The following SORBS2 variants were observed in gnomAD, a reference collection of about 807,000 sequenced individuals.
The protein encoded by SORBS2 is sorbin and SH3 domain-containing protein 2.
In SORBS2, 46 loss-of-function variants were observed where a neutral mutation model predicts 97.7. The observed-to-expected ratio is 0.47, with a 90% CI of 0.37 to 0.60. The LOEUF is 0.60. SORBS2 is among the 20% of genes least tolerant of loss of function. The pLI, the probability that SORBS2 is intolerant of heterozygous loss-of-function variation, is 0.00. For missense variants in SORBS2, 1,316 were observed against 1,282.3 expected, an observed-to-expected ratio of 1.03 and a Z score of -0.40; for synonymous variants, 476 against 473.4, an observed-to-expected ratio of 1.01 and a Z score of -0.07.
chr4:185,677,657 C>A (rs945770577), intron 4 of SORBS2: 7 of 1,467,702 alleles, frequency 4.8e-6, no homozygotes, highest in African/African-American at 1.4e-5. Context: ...ACAATGGGAT[C>A]CAGAGAAAGA....
intron 4 of SORBS2, among the ~76,000 whole-genome samples, chr4:185,633,720 T>C (rs28473677): frequency 0.37 from 56,566 of 151,556 alleles, 10,666 homozygotes; most frequent in South Asian, 0.53. Flanking sequence ...TTAAGAGAGA[T>C]ATATTTTTTT....
intron 1 of SORBS2, chr4:185,933,198 G>A (rs576884753): frequency 6.6e-6 from 1 of 152,284 alleles, no homozygotes; most frequent in South Asian, 2.1e-4. Flanking sequence ...CGGTGCTCAT[G>A]GATAATTACA....
chr4:185,709,303 T>TC lies in SORBS2; in HGVS notation c.-197-30482dup, dbSNP rs1320820010. On this transcript the variant is annotated intron_variant, in intron 2 of 20. Coordinates refer to the SORBS2 transcript ENST00000284776. ...GGCATGAGCCGCTGTGCTGGCCAAATCTTTTTTTTTTTTTTTTTTTTAGTA... is the reference window on the plus strand; with the variant it reads ...GGCATGAGCCGCTGTGCTGGCCAAATCCTTTTTTTTTTTTTTTTTTTTAGTA... 2.4e-4 allele frequency among the ~76,000 whole-genome samples: 33 copies of TC among 135,166 alleles called. 2 individuals are homozygous for TC. Among genetic ancestry groups the TC allele is most frequent in the Middle Eastern group, 7.7e-3 (2 of 260 alleles). 88.7% of individuals were successfully genotyped at this position (135,166 alleles called of 152,430 possible). A position where few individuals can be genotyped will look rare whatever the true frequency, so the allele number is the denominator to read the frequency against.
chr4:185,951,115 A>G (rs1386392434), intron 1 of SORBS2, among the ~76,000 whole-genome samples: 1 of 152,150 alleles, frequency 6.6e-6, no homozygotes, highest in Admixed American at 6.5e-5. Flanking sequence ...CCAGCGCTTC[A>G]TTGTTTTTCA....
rs1164846950 is a variant in SORBS2 at position 185,587,587 on chromosome 4, A to G, written c.*40T>C. ...GTTTCAGGCGCGTTGACGCAGGTGCATGGCTGGCAGGCGGCCTCTACAGAA... is the reference window on the plus strand; with the variant it reads ...GTTTCAGGCGCGTTGACGCAGGTGCGTGGCTGGCAGGCGGCCTCTACAGAA... On this transcript the variant is annotated 3_prime_UTR_variant, in exon 15 of 15. Coordinates refer to ENST00000418609, the Ensembl canonical transcript of SORBS2. The G allele has an allele frequency of 1.9e-6, 3 of 1,594,942 alleles. No homozygotes were observed. In the East Asian group the frequency reaches 6.7e-5, roughly 36 times the overall value.
intron 1 of SORBS2, among the ~76,000 whole-genome samples, chr4:185,860,200 T>C (rs980305510): frequency 1.3e-5 from 2 of 152,192 alleles, no homozygotes; most frequent in Non-Finnish European, 2.9e-5. Flanking sequence ...GGGAAGCAAC[T>C]GTTGAACCCT....
rs144847998 is a variant in SORBS2 at position 185,643,362 on chromosome 4, G to T, written c.396+3306C>A. 7.2e-5 allele frequency among the ~76,000 whole-genome samples: 11 copies of T among 152,312 alleles called. No individual in the cohort carries two copies. In the East Asian group the frequency reaches 1.9e-3, roughly 27 times the overall value. The stretch of plus-strand genomic sequence containing the variant: ...AGCTGGAACCTAGCGAGGCAGGGAG[G>T]GTGGGAGGAGAGATGAGGCTGGAGA... On this transcript the variant is annotated intron_variant, in intron 4 of 14. Transcript: ENST00000418609.
chr4:185,644,517 A>T (rs201656912), intron 4 of SORBS2, among the ~76,000 whole-genome samples: 1 of 152,230 alleles, frequency 6.6e-6, no homozygotes, highest in Non-Finnish European at 1.5e-5. Context: ...GAGTGGCTGT[A>T]CAGCAGCGAC....
chr4:185,748,560 C>T (rs2098778782), intron 2 of SORBS2, among the ~76,000 whole-genome samples: 1 of 152,122 alleles, frequency 6.6e-6, no homozygotes, highest in Admixed American at 6.5e-5. Context: ...CAAGGGAGGC[C>T]TCACGAGCAA....
At chr4:185,821,382 C>A (rs549657582) in intron 1 of SORBS2, among the ~76,000 whole-genome samples, 15 of 152,186 alleles carry the variant, frequency 9.9e-5, no homozygotes, top group Admixed American at 5.9e-4. Flanking sequence ...AACTTTGGGC[C>A]TTATCTTCCT....
intron 2 of SORBS2, chr4:185,740,463 C>G (rs1268758294): frequency 6.6e-6 from 1 of 152,412 alleles, no homozygotes; most frequent in African/African-American, 2.4e-5. Flanking sequence ...AGGTAATTTC[C>G]AACTCAAGAA....
chr4:185,879,155 A>G (rs1249869454), intron 1 of SORBS2, among the ~76,000 whole-genome samples: 1 of 119,526 alleles, frequency 8.4e-6, no homozygotes, highest in Admixed American at 8.0e-5. Flanking sequence ...ATATCTCCTA[A>G]TGCTATCCCT....
chr4:185,939,366 C>A (rs910693855), intron 1 of SORBS2, among the ~76,000 whole-genome samples: 4 of 152,206 alleles, frequency 2.6e-5, no homozygotes, highest in African/African-American at 9.6e-5. Flanking sequence ...ATAGTTCCAT[C>A]AGCATTCAAA....
At chr4:185,687,013 G>A (rs2097976987) in intron 2 of SORBS2, among the ~76,000 whole-genome samples, 1 of 152,138 alleles carries the variant, frequency 6.6e-6, no homozygotes, top group Non-Finnish European at 1.5e-5. Context: ...TACTTGCTAT[G>A]ATAAAAAGCA....
intron 2 of SORBS2, chr4:185,757,114 G>A: frequency 1.8e-6 from 1 of 545,242 alleles, no homozygotes; most frequent in South Asian, 1.7e-5. Flanking sequence ...AAAGCAGGAA[G>A]CACACTGTCC....
At chr4:185,641,230 G>A (rs186584783) in intron 4 of SORBS2, among the ~76,000 whole-genome samples, 1 of 151,924 alleles carries the variant, frequency 6.6e-6, no homozygotes, top group Admixed American at 6.6e-5. Context: ...TATTTAAATA[G>A]TCAATTTATA....
intron 1 of SORBS2, chr4:185,918,199 G>A (rs1000114500): frequency 6.6e-6 from 1 of 152,142 alleles, no homozygotes; most frequent in Non-Finnish European, 1.5e-5. Flanking sequence ...TTCTTTGAAT[G>A]TAAAAAATCT....
At chr4:185,779,745 G>T (rs2099018193) in intron 1 of SORBS2, among the ~76,000 whole-genome samples, 1 of 152,184 alleles carries the variant, frequency 6.6e-6, no homozygotes, top group Non-Finnish European at 1.5e-5. Context: ...AGACCTCCCT[G>T]GTCCCTGTCA....
At chr4:185,862,135 ATG>A (rs143706006) in intron 1 of SORBS2, among the ~76,000 whole-genome samples, 6 of 151,456 alleles carry the variant, frequency 4.0e-5, no homozygotes, top group African/African-American at 9.7e-5. Context: ...GTGTATGTAT[ATG>A]TGTGTGTGTG....
Sources: allele counts gnomAD v4.1 joint callset (sites outside exome capture counted in the v4.1 genomes callset), GRCh38; gene constraint gnomAD v4.1.1; transcripts MANE v1.5; gene names NCBI Gene and HGNC (gene_info 2026-07-23, HGNC 2026-07-21).